Variants in SPATA22 observed in about 807,000 individuals in gnomAD.
SPATA22 encodes the protein spermatogenesis associated 22, also known as spermatogenesis-associated protein 22.
SPATA22 carries 29 observed loss-of-function variants against 47.8 expected under a neutral mutation model. That is an observed-to-expected ratio of 0.61 (90% CI 0.45 to 0.83). The LOEUF is 0.83. Among genes scored for constraint, SPATA22 ranks in the 40% least tolerant of loss-of-function variants. The probability of loss-of-function intolerance (pLI) is 0.00; values close to 1 mark genes in which losing one functional copy is unlikely to be tolerated. For synonymous variants in SPATA22, 133 were observed against 140.9 expected, an observed-to-expected ratio of 0.94 and a Z score of 0.40; for missense variants, 410 against 421.7, an observed-to-expected ratio of 0.97 and a Z score of 0.24.
intron 1 of SPATA22, among the ~76,000 whole-genome samples, chr17:3,483,971 A>T (rs952054038): frequency 6.6e-6 from 1 of 152,114 alleles, no homozygotes; most frequent in Admixed American, 6.6e-5. Context: ...AATTATTTTT[A>T]AAAAAACATT....
At chr17:3,455,922 C>T (rs999850770) in intron 5 of SPATA22, among the ~76,000 whole-genome samples, 2 of 152,204 alleles carry the variant, frequency 1.3e-5, no homozygotes, top group African/African-American at 2.4e-5. Context: ...TCTTCCTACC[C>T]ATGAGCATGG....
chr17:3,495,098 A>G (rs999248391), intron 1 of SPATA22, among the ~76,000 whole-genome samples: 1 of 152,266 alleles, frequency 6.6e-6, no homozygotes, highest in East Asian at 1.9e-4. Flanking sequence ...GAAGGAAAAA[A>G]AAAAGGCTCT....
chr17:3,476,008 C>A, upstream of SPATA22: 1 of 714,122 alleles, frequency 1.4e-6, no homozygotes, highest in Non-Finnish European at 2.3e-6. Context: ...GAACTTGTAA[C>A]AGAAAATTAA....
chr17:3,489,451 AT>A (rs2073784821), intron 1 of SPATA22: 1 of 914,730 alleles, frequency 1.1e-6, no homozygotes, highest in Non-Finnish European at 1.8e-6. Flanking sequence ...GCTTTTTAAA[AT>A]TTTTATTCAC....
intron 1 of SPATA22, chr17:3,511,839 T>G (rs1250849810): frequency 1.3e-5 from 2 of 152,228 alleles, no homozygotes; most frequent in Admixed American, 6.5e-5. Flanking sequence ...TATCCATTAA[T>G]GGATATGACT....
chr17:3,447,347 G>A (rs1412692257), intron 6 of SPATA22, among the ~76,000 whole-genome samples: 1 of 152,140 alleles, frequency 6.6e-6, no homozygotes, highest in Non-Finnish European at 1.5e-5. Flanking sequence ...TTTCCTTTGT[G>A]AGGGTGAGGG....
intron 5 of SPATA22, among the ~76,000 whole-genome samples, chr17:3,454,458 C>A (rs1387887682): frequency 2.6e-5 from 4 of 151,732 alleles, no homozygotes; most frequent in Admixed American, 6.6e-5. Flanking sequence ...CATCCCCCGA[C>A]CCCACAACAG....
intron 1 of SPATA22, among the ~76,000 whole-genome samples, chr17:3,480,883 C>T (rs1035412469): frequency 6.6e-6 from 1 of 152,172 alleles, no homozygotes; most frequent in African/African-American, 2.4e-5. Context: ...TAATAATTGT[C>T]TCAGTTATAA....
At chr17:3,476,396 G>A (rs1555538157), upstream of SPATA22, 1 of 1,613,010 alleles carries the variant, frequency 6.2e-7, no homozygotes, top group South Asian at 1.1e-5. Flanking sequence ...AAAATCTTGG[G>A]TAAGACTATG....
At chr17:3,483,408 A>C in intron 1 of SPATA22, 2 of 1,081,736 alleles carry the variant, frequency 1.8e-6, no homozygotes, top group Non-Finnish European at 2.9e-6. Flanking sequence ...TGATGAAGTA[A>C]AACGTATTGA....
intron 1 of SPATA22, among the ~76,000 whole-genome samples, chr17:3,491,992 C>T (rs548520613): frequency 1.3e-5 from 2 of 151,184 alleles, no homozygotes; most frequent in African/African-American, 4.8e-5. Flanking sequence ...ATCCTCCCAC[C>T]CAGCCTCCTG....
intron 3 of SPATA22, among the ~76,000 whole-genome samples, chr17:3,465,418 ATTTTG>A (rs2073277414): frequency 1.3e-5 from 2 of 151,932 alleles, no homozygotes; most frequent in African/African-American, 4.8e-5. Context: ...GAGACTTTTC[ATTTTG>A]TTCTGTACTA....
At chr17:3,444,853 A>G (rs980311820) in intron 7 of SPATA22, among the ~76,000 whole-genome samples, 3 of 152,086 alleles carry the variant, frequency 2.0e-5, no homozygotes, top group Non-Finnish European at 4.4e-5. Flanking sequence ...TCTACCTTTG[A>G]TAAGTTTAGA....
intron 3 of SPATA22, among the ~76,000 whole-genome samples, chr17:3,466,807 C>T (rs2073324692): frequency 6.6e-6 from 1 of 152,192 alleles, no homozygotes; most frequent in East Asian, 1.9e-4. Context: ...TCACTAATCT[C>T]ATTCATGAGG....
At chr17:3,496,787 C>A in intron 1 of SPATA22, among the ~76,000 whole-genome samples, 1 of 152,188 alleles carries the variant, frequency 6.6e-6, no homozygotes, top group East Asian at 1.9e-4. Context: ...TGATTCCTGG[C>A]CAGGAGCGGT....
chr17:3,504,368 A>T (rs1025002614), intron 1 of SPATA22, among the ~76,000 whole-genome samples: 1 of 151,958 alleles, frequency 6.6e-6, no homozygotes, highest in Non-Finnish European at 1.5e-5. Flanking sequence ...ATCTTCCACC[A>T]ATGGCCCTGC....
In SPATA22 at chr17:3,504,801, C is replaced by T. The variant is rs567910167; in HGVS notation, c.-74+8611G>A. On this transcript the variant is annotated intron_variant, in intron 1 of 8. Coordinates refer to the SPATA22 transcript ENST00000541913. ...CTCGAACCCCCGAACTCAGATGATC[C>T]ACCCACCTCGGCCTCCAAGAGTGCT... is the stretch of plus-strand genomic sequence containing the variant. Among the ~76,000 whole-genome samples, 9 of 152,242 alleles carry T rather than the reference C, an allele frequency of 5.9e-5. No homozygotes were observed. The South Asian group carries it at 1.9e-3, about 32-fold the overall frequency.
At chr17:3,496,150 G>A (rs1467943483) in intron 1 of SPATA22, among the ~76,000 whole-genome samples, 2 of 152,174 alleles carry the variant, frequency 1.3e-5, no homozygotes, top group Non-Finnish European at 2.9e-5. Context: ...GAATGGCTCA[G>A]TATTCTACAG....
chr17:3,497,610 G>A (rs948359181), intron 1 of SPATA22, among the ~76,000 whole-genome samples: 2 of 152,126 alleles, frequency 1.3e-5, no homozygotes, highest in African/African-American at 4.8e-5. Context: ...CCCTCTACCT[G>A]TATATATGTA....
Sources: gnomAD v4.1 joint callset for allele counts (sites outside exome capture counted in the v4.1 genomes callset) on GRCh38, gnomAD v4.1.1 for gene constraint, MANE v1.5 for transcripts, NCBI Gene and HGNC (gene_info 2026-07-23, HGNC 2026-07-21) for gene names.